Variants in FHIT observed in about 807,000 individuals in gnomAD.
The protein encoded by FHIT is fragile histidine triad diadenosine triphosphatase.
In FHIT, 19 loss-of-function variants were observed where a neutral mutation model predicts 17.9. The observed-to-expected ratio is 1.06, with a 90% CI of 0.74 to 1.56. The LOEUF (loss-of-function observed/expected upper bound fraction) is 1.56. Ranked by LOEUF, FHIT falls within the 40% of genes most tolerant of loss-of-function variation. FHIT has a pLI of 0.00. For missense variants in FHIT, 248 were observed against 189.2 expected, an observed-to-expected ratio of 1.31 and a Z score of -1.82; for synonymous variants, 81 against 69.7, an observed-to-expected ratio of 1.16 and a Z score of -0.81.
chr3:59,810,191 G>A (rs1700359035), intron 8 of FHIT, among the ~76,000 whole-genome samples: 3 of 152,264 alleles, frequency 2.0e-5, no homozygotes, highest in South Asian at 4.2e-4. Flanking sequence ...TCATTTGTGT[G>A]AGGAGGAGTA....
intron 7 of FHIT, among the ~76,000 whole-genome samples, chr3:59,962,101 GACTTTTGA>G (rs1038875970): frequency 1.3e-5 from 2 of 152,174 alleles, no homozygotes; most frequent in Admixed American, 6.5e-5. Flanking sequence ...TCCATTGGAA[GACTTTTGA>G]ACCAAAACAT....
At chr3:60,081,261 G>A (rs766275914) in intron 5 of FHIT, among the ~76,000 whole-genome samples, 10 of 152,062 alleles carry the variant, frequency 6.6e-5, no homozygotes, top group Non-Finnish European at 1.3e-4. Flanking sequence ...TTTTATATAC[G>A]TTTTGGGGGG....
chr3:59,870,446 T>C (rs890254357), intron 8 of FHIT, among the ~76,000 whole-genome samples: 3 of 152,146 alleles, frequency 2.0e-5, no homozygotes, highest in African/African-American at 7.2e-5. Context: ...GTCTTAATAG[T>C]CAAGAAAATA....
chr3:60,075,284 G>A (rs533882005), intron 5 of FHIT, among the ~76,000 whole-genome samples: 3 of 152,108 alleles, frequency 2.0e-5, no homozygotes, highest in South Asian at 4.2e-4. Context: ...GGGTGATGGG[G>A]TATGGGCACA....
At chr3:59,832,343 C>G (rs1701192647) in intron 8 of FHIT, among the ~76,000 whole-genome samples, 1 of 152,262 alleles carries the variant, frequency 6.6e-6, no homozygotes, top group South Asian at 2.1e-4. Context: ...TAACTCCAAC[C>G]TCATTGTGCT....
At chr3:60,968,419 CT>C (rs35256219) in intron 3 of FHIT, among the ~76,000 whole-genome samples, 52,270 of 142,984 alleles carry the variant, frequency 0.37, 9,966 homozygotes, top group African/African-American at 0.52. Flanking sequence ...TGCTGTAGGA[CT>C]TTTTTTTTTT....
intron 5 of FHIT, among the ~76,000 whole-genome samples, chr3:60,475,773 C>T (rs772250890): frequency 9.8e-5 from 15 of 152,304 alleles, no homozygotes; most frequent in East Asian, 3.9e-4. Context: ...GCTGAGCTGA[C>T]GCCACAAGTG....
At chr3:61,188,457 A>G (rs1481015234) in intron 2 of FHIT, among the ~76,000 whole-genome samples, 3 of 152,202 alleles carry the variant, frequency 2.0e-5, no homozygotes, top group Non-Finnish European at 2.9e-5. Flanking sequence ...ACCAACCAAA[A>G]AAAGTCCAGG....
chr3:61,000,464 T>A (rs1458740912), intron 3 of FHIT, among the ~76,000 whole-genome samples: 2 of 152,134 alleles, frequency 1.3e-5, no homozygotes, highest in Non-Finnish European at 2.9e-5. Context: ...TCAGATAACA[T>A]CTCCAGGAAA....
chr3:61,103,887 T>C (rs1488532195), intron 2 of FHIT, among the ~76,000 whole-genome samples: 1 of 151,198 alleles, frequency 6.6e-6, no homozygotes, highest in Non-Finnish European at 1.5e-5. Flanking sequence ...CCCTGCTTTT[T>C]TTTCTTTTTT....
chr3:60,013,098 G>T (rs73842464), intron 6 of FHIT, among the ~76,000 whole-genome samples: 17 of 152,062 alleles, frequency 1.1e-4, no homozygotes, highest in Non-Finnish European at 1.5e-5. Flanking sequence ...AGCAAAAAAA[G>T]AAAGAAAAAA....
At position 61,036,817 on chromosome 3, in the gene FHIT, A is replaced by G. The variant is rs567899026; in HGVS notation, c.-111+5230T>C. 4.1e-4 allele frequency among the ~76,000 whole-genome samples: 63 copies of G among 152,086 alleles called. No individual in the cohort carries two copies. The East Asian group carries it at 0.012, about 29-fold the overall frequency. On this transcript the variant is annotated intron_variant, in intron 3 of 9. Transcript: ENST00000492590. ...CAGCTGAAAGTGAGAACACAGATCA[A>G]TTACCCGAGAGTTCTGGGCTTTCTC...
At chr3:59,794,925 T>G (rs750759090) in intron 8 of FHIT, among the ~76,000 whole-genome samples, 2 of 152,270 alleles carry the variant, frequency 1.3e-5, no homozygotes, top group Non-Finnish European at 2.9e-5. Context: ...TTGTTAGCAG[T>G]ATGATCTTAG....
Position 59,971,485 on chromosome 3 carries a change from G to C in FHIT, c.279+39886C>G, listed in dbSNP as rs1255428173. ...TGATAGATAGAACCTAAGGTTTCAT[G>C]GGTTCATAAACTCTCTTTTTTTGCT... On this transcript the variant is annotated intron_variant, in intron 7 of 9. Transcript: ENST00000492590. 3.0e-5 allele frequency among the ~76,000 whole-genome samples: 4 copies of C among 134,752 alleles called. No homozygotes were observed. The South Asian group carries it at 1.1e-3, about 37-fold the overall frequency. The allele number at this position is 134,752 out of a possible 152,430, so 88.4% of individuals were successfully genotyped here.
At chr3:61,056,007 T>C (rs1298008198) in intron 2 of FHIT, among the ~76,000 whole-genome samples, 1 of 152,236 alleles carries the variant, frequency 6.6e-6, no homozygotes, top group Non-Finnish European at 1.5e-5. Context: ...TATCCTAAAA[T>C]GCACAGATAA....
At position 60,570,668 on chromosome 3, in the gene FHIT, G is replaced by A. The variant is rs73834232; in HGVS notation, c.-17-33689C>T. On this transcript the variant is annotated intron_variant, in intron 4 of 9. Coordinates refer to ENST00000492590, the MANE Select transcript of FHIT (RefSeq NM_002012.4). ...TTATCACCCAGAGTCATATACTTCAGAAGTTGGTCACCTTCACCAGGGCAA... is the reference window on the plus strand; with the variant it reads ...TTATCACCCAGAGTCATATACTTCAAAAGTTGGTCACCTTCACCAGGGCAA... Among the ~76,000 whole-genome samples the A allele has an allele frequency of 1.7e-3, 244 of 147,280 alleles. 3 individuals carry two copies. Among genetic ancestry groups the A allele is most frequent in the African/African-American group, 5.9e-3 (235 of 39,882 alleles).
intron 4 of FHIT, among the ~76,000 whole-genome samples, chr3:60,794,908 T>A (rs1378638750): frequency 6.6e-6 from 1 of 152,200 alleles, no homozygotes; most frequent in Non-Finnish European, 1.5e-5. Context: ...GTACTGTGTA[T>A]CAAATTCAAA....
chr3:60,898,144 T>G (rs1250294314), intron 3 of FHIT, among the ~76,000 whole-genome samples: 1 of 152,234 alleles, frequency 6.6e-6, no homozygotes, highest in African/African-American at 2.4e-5. Flanking sequence ...ACTTGCTATT[T>G]TGTAATCTGT....
At chr3:60,789,556 C>T (rs906188589) in intron 4 of FHIT, among the ~76,000 whole-genome samples, 20 of 152,024 alleles carry the variant, frequency 1.3e-4, no homozygotes, top group African/African-American at 4.1e-4. Flanking sequence ...TAACCTGCCC[C>T]GTTTGCTTTC....
Sources: allele counts gnomAD v4.1 joint callset (sites outside exome capture counted in the v4.1 genomes callset), GRCh38; gene constraint gnomAD v4.1.1; transcripts MANE v1.5; gene names NCBI Gene and HGNC (gene_info 2026-07-23, HGNC 2026-07-21).